ZNF766: variants seen among roughly 807,000 people sequenced by gnomAD.
The protein encoded by ZNF766 is zinc finger protein 766.
Under a neutral mutation model 13.2 loss-of-function variants are expected in ZNF766, and 13 were observed. That is an observed-to-expected ratio of 0.98 (90% CI 0.64 to 1.56). The LOEUF is 1.56. ZNF766 is among the 40% of genes most tolerant of loss of function. The pLI is 0.00. For synonymous variants in ZNF766, 178 were observed against 187.6 expected, an observed-to-expected ratio of 0.95 and a Z score of 0.42; for missense variants, 521 against 552.2, an observed-to-expected ratio of 0.94 and a Z score of 0.57.
chr19:52,269,624 T>G lies in ZNF766; in HGVS notation c.11T>G (p.Leu4Arg). The G allele has an allele frequency of 1.2e-6, 2 of 1,612,992 alleles. No individual in the cohort carries two copies. The highest frequency in any genetic ancestry group is 1.7e-6 in the Non-Finnish European group (2 of 1,179,706). Residue 4 changes from leucine to arginine, a missense_variant, in exon 1 of 4, where the codon CTG (leucine) becomes CGG (arginine). Physicochemically the swap from Leu to Arg is moderately radical, Grantham distance 102. Coordinates refer to ENST00000439461, the MANE Select transcript of ZNF766 (RefSeq NM_001010851.3). MAQLRRGHLTFRDV... is the reference protein window; with the variant it reads MAQRRRGHLTFRDV... ...GGATGGCGTGGAGATATGGCGCAACTGCGGCGCGTGAGTTTTCCTTTGTTT... is the reference window on the plus strand; with the variant it reads ...GGATGGCGTGGAGATATGGCGCAACGGCGGCGCGTGAGTTTTCCTTTGTTT...
chr19:52,282,047 T>C (rs1273248991), intron 1 of ZNF766, 64 bp from the exon 2 acceptor site: 15 of 1,559,328 alleles, frequency 9.6e-6, no homozygotes, highest in African/African-American at 1.4e-5. Flanking sequence ...AACCCTCTTC[T>C]CATTTCGTGT....
At chr19:52,287,289 C>T (rs139570481) in intron 3 of ZNF766, among the ~76,000 whole-genome samples, 5,234 of 152,210 alleles carry the variant, frequency 0.034, 103 homozygotes, top group African/African-American at 0.04. Flanking sequence ...ATTACAGGCG[C>T]GTGCCACTAC....
chr19:52,283,500 C>T (rs1007455191), intron 3 of ZNF766, 87 bp downstream of exon 3: 1 of 1,430,558 alleles, frequency 7.0e-7, no homozygotes. Flanking sequence ...AGTGCATTGG[C>T]CATCATAGCT....
chr19:52,294,131 AT>A lies in ZNF766; in HGVS notation c.*2934del, dbSNP rs1790266746. 1 of 152,222 alleles carries A rather than the reference AT, an allele frequency of 6.6e-6. No individual in the cohort carries two copies. The highest frequency in any genetic ancestry group is 1.9e-4 in the East Asian group (1 of 5,196). 9.4% of individuals were successfully genotyped at this position (152,222 alleles called of 1,614,324 possible). On this transcript the variant is annotated 3_prime_UTR_variant, in exon 4 of 4. Coordinates refer to ENST00000439461, the MANE Select transcript of ZNF766 (RefSeq NM_001010851.3). ...GAAGCGAAAATACAGATACAGTAATATGGAAAATAGGACAAAGTGTGGACTT... is the reference window on the plus strand; with the variant it reads ...GAAGCGAAAATACAGATACAGTAATAGGAAAATAGGACAAAGTGTGGACTT...
At chr19:52,282,821 C>G (rs1306371621) in intron 2 of ZNF766, among the ~76,000 whole-genome samples, 1 of 152,170 alleles carries the variant, frequency 6.6e-6, no homozygotes, top group Admixed American at 6.5e-5. Context: ...TTTTCTACCC[C>G]TGTGCTTTTG....
chr19:52,277,090 G>A, intron 1 of ZNF766: 1 of 1,006,854 alleles, frequency 9.9e-7, no homozygotes, highest in Non-Finnish European at 1.2e-6. Flanking sequence ...CTGCGTGTGT[G>A]GTTGTGGCAC....
intron 1 of ZNF766, among the ~76,000 whole-genome samples, chr19:52,280,183 G>A (rs1480109515): frequency 2.0e-5 from 3 of 152,056 alleles, no homozygotes. Flanking sequence ...TTGCAAAGAT[G>A]CTGAAATACA....
At chr19:52,277,596 G>A (rs568275268) in intron 1 of ZNF766, 16 of 1,519,818 alleles carry the variant, frequency 1.1e-5, no homozygotes, top group East Asian at 4.9e-5. Flanking sequence ...CTGAAATGCC[G>A]GGTGCTGGAG....
rs977923263 is a variant in ZNF766, at chr19:52,292,802, C to A, written c.*1604C>A. 6.6e-6 allele frequency: 1 copy of A among 152,076 alleles called. No homozygotes were observed. The highest frequency in any genetic ancestry group is 2.4e-5 in the African/African-American group (1 of 41,398). The allele number at this position is 152,076 out of a possible 1,614,324, so 9.4% of individuals were successfully genotyped here. On this transcript the variant is annotated 3_prime_UTR_variant, in exon 4 of 4. Coordinates refer to ENST00000439461, the MANE Select transcript of ZNF766 (RefSeq NM_001010851.3). ...CTTTATAGCAGACAATAATAAGGCA[C>A]CATTAGGATTTTTAAATTAATTTAT... is the stretch of plus-strand genomic sequence containing the variant.
intron 3 of ZNF766, among the ~76,000 whole-genome samples, chr19:52,284,620 A>G (rs1981718272): frequency 6.6e-6 from 1 of 152,044 alleles, no homozygotes; most frequent in Non-Finnish European, 1.5e-5. Context: ...GTCGCGTCCC[A>G]CAGGCTAAGG....
intron 1 of ZNF766, among the ~76,000 whole-genome samples, chr19:52,270,240 C>T (rs915906222): frequency 2.0e-5 from 3 of 152,060 alleles, no homozygotes; most frequent in East Asian, 3.9e-4. Flanking sequence ...CCAGTCCCCT[C>T]CCTGTGAATG....
rs142890475 is a variant in ZNF766 at position 52,290,319 on chromosome 19, A to G, written c.528A>G (p.Gln176=). Residue 176 remains glutamine (Q), a synonymous_variant, in exon 4 of 4, where the codon CAA becomes CAG. Transcript: ENST00000439461. ...TTGTTGATTTTCCATTGCTGTCACAAGAACAGAAAGCACACATTAGGAGAA... is the reference window on the plus strand; with the variant it reads ...TTGTTGATTTTCCATTGCTGTCACAGGAACAGAAAGCACACATTAGGAGAA... ...NDFVDFPLLS[Q]EQKAHIRRKP... 1.9e-3 allele frequency: 3,004 copies of G among 1,613,998 alleles called. 21 individuals carry two copies. The highest frequency in any genetic ancestry group is 0.017 in the East Asian group (771 of 44,884).
rs914083052 is a variant in ZNF766 at position 52,293,488 on chromosome 19, T to C, written c.*2290T>C. ...CGGCGCCTGGCCAGGATTTTTAAGG[T>C]TGAAGCATCCACAACAATTTTGTGT... On this transcript the variant is annotated 3_prime_UTR_variant, in exon 4 of 4. Transcript: ENST00000439461. 2 of 152,086 alleles carry C rather than the reference T, an allele frequency of 1.3e-5. No homozygotes were observed. The highest frequency in any genetic ancestry group is 4.8e-5 in the African/African-American group (2 of 41,406). 9.4% of individuals were successfully genotyped at this position (152,086 alleles called of 1,614,324 possible). A position where few individuals can be genotyped will look rare whatever the true frequency, so the allele number is the denominator to read the frequency against.
In ZNF766 at chr19:52,290,391, A is replaced by C; in HGVS notation, c.600A>C (p.Ser200=). 6.2e-7 allele frequency: 1 copy of C among 1,613,970 alleles called. No individual in the cohort carries two copies. Among genetic ancestry groups the C allele is most frequent in the Non-Finnish European group, 8.5e-7 (1 of 1,180,034 alleles). Reference sequence around the variant, plus strand: ...AGGGCAAAGTCTTCAGAGTGTCTTCAAGCCTTCCTAATCATCAAGTAATCC... The same window carrying C: ...AGGGCAAAGTCTTCAGAGTGTCTTCCAGCCTTCCTAATCATCAAGTAATCC... ...NEQGKVFRVS[S]SLPNHQVIHT... The change falls in exon 4 of 4, where the codon TCA becomes TCC. Residue 200 remains serine, a synonymous_variant. Coordinates refer to ENST00000439461, the MANE Select transcript of ZNF766 (RefSeq NM_001010851.3).
At chr19:52,277,632 C>CA in intron 1 of ZNF766, 1 of 1,378,670 alleles carries the variant, frequency 7.3e-7, no homozygotes, top group Non-Finnish European at 9.9e-7. Flanking sequence ...GAGTCTGAAG[C>CA]ATCCTGCCTG....
chr19:52,278,536 T>TG (rs1376194396), intron 1 of ZNF766, among the ~76,000 whole-genome samples: 2 of 152,168 alleles, frequency 1.3e-5, no homozygotes, highest in Admixed American at 1.3e-4. Flanking sequence ...CCCGAGTAGC[T>TG]GGGACTACAG....
Position 52,292,408 on chromosome 19 carries a change from G to T in ZNF766, c.*1210G>T, listed in dbSNP as rs183005274. 51 of 507,802 alleles carry T rather than the reference G, an allele frequency of 1.0e-4. No individual in the cohort carries two copies. Among genetic ancestry groups the T allele is most frequent in the African/African-American group, 9.5e-4 (49 of 51,554 alleles). The allele number at this position is 507,802 out of a possible 1,614,324, so 31.5% of individuals were successfully genotyped here. On this transcript the variant is annotated 3_prime_UTR_variant, in exon 4 of 4. Transcript: ENST00000439461. ...TACAAATGACCATGAAATAGAGCAC[G>T]CCATGACTTTAGGACACAGGGATTT...
chr19:52,282,608 A>T (rs1698748531), intron 2 of ZNF766: 1 of 163,162 alleles, frequency 6.1e-6, no homozygotes, highest in African/African-American at 2.4e-5. Flanking sequence ...CTGCACTCCA[A>T]CCTGGGTAAC....
At chr19:52,277,743 C>T (rs1981282543) in intron 1 of ZNF766, among the ~76,000 whole-genome samples, 1 of 151,952 alleles carries the variant, frequency 6.6e-6, no homozygotes, top group African/African-American at 2.4e-5. Flanking sequence ...GAAGAGGCTG[C>T]ACTGGGCGTG....
Sources: gnomAD v4.1 joint callset for allele counts (sites outside exome capture counted in the v4.1 genomes callset) on GRCh38, gnomAD v4.1.1 for gene constraint, MANE v1.5 for transcripts, NCBI Gene and HGNC (gene_info 2026-07-23, HGNC 2026-07-21) for gene names.